COBL: variants seen among roughly 807,000 people sequenced by gnomAD.
The protein encoded by COBL is cordon-bleu WH2 repeat protein.
COBL carries 51 observed loss-of-function variants against 98.8 expected under a neutral mutation model. The observed-to-expected ratio is 0.52, with a 90% CI of 0.41 to 0.65. COBL has a LOEUF of 0.65. Ranked by LOEUF, COBL falls within the 30% of genes least tolerant of loss-of-function variation. COBL has a pLI of 0.00. For missense variants in COBL, 1,617 were observed against 1,617.5 expected (o/e 1.00, Z 0.01); for synonymous variants, 634 against 651.7 (o/e 0.97, Z 0.41).
intron 4 of COBL, among the ~76,000 whole-genome samples, chr7:51,188,806 C>G (rs557688936): frequency 6.2e-4 from 95 of 152,294 alleles, no homozygotes; most frequent in African/African-American, 2.2e-3. Flanking sequence ...TCCCAATGAC[C>G]ATGGGCTATC....
At chr7:51,144,123 G>C (rs549774892) in intron 5 of COBL, among the ~76,000 whole-genome samples, 1 of 152,320 alleles carries the variant, frequency 6.6e-6, no homozygotes, top group Non-Finnish European at 1.5e-5. Context: ...CACCTGGGCG[G>C]CATGTGAGCT....
chr7:51,039,258 T>C (rs1212078953), intron 8 of COBL, among the ~76,000 whole-genome samples: 3 of 152,268 alleles, frequency 2.0e-5, no homozygotes, highest in African/African-American at 7.2e-5. Flanking sequence ...GATGCTGCTG[T>C]TTAGTGTTCT....
intron 7 of COBL, among the ~76,000 whole-genome samples, chr7:51,044,099 T>C (rs1789465551): frequency 6.6e-6 from 1 of 152,238 alleles, no homozygotes. Context: ...TTTGGAAATA[T>C]AAATAAGCAG....
chr7:51,188,732 C>T (rs1306012298), intron 4 of COBL, among the ~76,000 whole-genome samples: 1 of 152,142 alleles, frequency 6.6e-6, no homozygotes, highest in Non-Finnish European at 1.5e-5. Flanking sequence ...TCTGCTCTGT[C>T]CCATATGAGG....
chr7:51,055,249 C>T (rs1037711938), intron 7 of COBL, among the ~76,000 whole-genome samples: 4 of 152,172 alleles, frequency 2.6e-5, no homozygotes, highest in Non-Finnish European at 5.9e-5. Flanking sequence ...GCAAAGCCCA[C>T]GCTACTGCCA....
chr7:51,079,288 T>C (rs1025540677), intron 7 of COBL, among the ~76,000 whole-genome samples: 2 of 152,192 alleles, frequency 1.3e-5, no homozygotes, highest in Admixed American at 6.5e-5. Flanking sequence ...CTGTTGACTC[T>C]TGAGGGATGT....
rs150357102 is a variant in COBL at position 51,121,337 on chromosome 7, T to TA, written c.957+14820dup. On this transcript the variant is annotated intron_variant, in intron 6 of 12. Coordinates refer to ENST00000265136, the MANE Select transcript of COBL (RefSeq NM_015198.5). ...TATTTTCTTTGGAGAAATGTCTATT[T>TA]AAGCCCTTTGCTCATTTTTTAATTG... 5.3e-5 allele frequency among the ~76,000 whole-genome samples: 8 copies of TA among 152,344 alleles called. No individual in the cohort carries two copies. In the East Asian group the frequency reaches 1.5e-3, roughly 29 times the overall value.
At chr7:51,180,269 C>T (rs6946569) in intron 5 of COBL, among the ~76,000 whole-genome samples, 160 of 152,260 alleles carry the variant, frequency 1.1e-3, no homozygotes, top group African/African-American at 3.6e-3. Flanking sequence ...ATGGCTGGCC[C>T]GGTTCCTTGT....
At chr7:51,191,806 G>A (rs1238349653) in intron 3 of COBL, among the ~76,000 whole-genome samples, 2 of 151,968 alleles carry the variant, frequency 1.3e-5, no homozygotes, top group African/African-American at 2.4e-5. Context: ...TTTTTCTTCC[G>A]CTTTTACTGA....
At chr7:51,093,235 C>T (rs1010454755) in intron 6 of COBL, among the ~76,000 whole-genome samples, 1 of 150,562 alleles carries the variant, frequency 6.6e-6, no homozygotes, top group Non-Finnish European at 1.5e-5. Flanking sequence ...AGACATTTTG[C>T]AAAAAAAAGA....
intron 1 of COBL, among the ~76,000 whole-genome samples, chr7:51,235,602 C>T (rs1441023734): frequency 1.3e-5 from 2 of 152,174 alleles, no homozygotes; most frequent in African/African-American, 4.8e-5. Flanking sequence ...CGGAAACAGC[C>T]GCGGACATCC....
At chr7:51,040,676 T>C (rs953896617) in intron 8 of COBL, among the ~76,000 whole-genome samples, 23 of 152,146 alleles carry the variant, frequency 1.5e-4, no homozygotes, top group South Asian at 4.1e-4. Context: ...TAAGATTCCA[T>C]TGTAGGTCTA....
intron 8 of COBL, among the ~76,000 whole-genome samples, chr7:51,042,535 T>C (rs1789301717): frequency 6.6e-6 from 1 of 151,950 alleles, no homozygotes; most frequent in African/African-American, 2.4e-5. Context: ...AATTTTTAAA[T>C]TTTTTTTGTA....
At chr7:51,080,133 A>T (rs1027615257) in intron 7 of COBL, among the ~76,000 whole-genome samples, 1 of 152,210 alleles carries the variant, frequency 6.6e-6, no homozygotes, top group Admixed American at 6.5e-5. Context: ...AAGACCTTAC[A>T]GAGGTCAGGG....
chr7:51,227,474 T>A (rs191248239), intron 1 of COBL, among the ~76,000 whole-genome samples: 3 of 152,272 alleles, frequency 2.0e-5, no homozygotes, highest in East Asian at 3.9e-4. Context: ...GAGTATCTGA[T>A]GAAGGCCATG....
chr7:51,074,109 AAC>A (rs1792824489), intron 7 of COBL, among the ~76,000 whole-genome samples: 1 of 152,242 alleles, frequency 6.6e-6, no homozygotes, highest in African/African-American at 2.4e-5. Flanking sequence ...TCCTGAGACA[AAC>A]AGTTTAGAAG....
intron 6 of COBL, among the ~76,000 whole-genome samples, chr7:51,131,101 C>T (rs1798694286): frequency 2.0e-5 from 3 of 152,148 alleles, no homozygotes; most frequent in Admixed American, 2.0e-4. Context: ...AATGGCCAAC[C>T]ATCACTAGCA....
chr7:51,224,907 C>CTGCATGTGGGTGACCTG (rs1263232545), intron 1 of COBL, among the ~76,000 whole-genome samples: 1 of 152,166 alleles, frequency 6.6e-6, no homozygotes. Flanking sequence ...GGTGATCCGC[C>CTGCATGTGGGTGACCTG]TGCATGTGGG....
chr7:51,240,845 C>T (rs904813005), intron 1 of COBL, among the ~76,000 whole-genome samples: 38 of 152,170 alleles, frequency 2.5e-4, no homozygotes, highest in Non-Finnish European at 4.4e-4. Context: ...GCCCAGCCTA[C>T]TATTATTTTA....
Sources: allele counts gnomAD v4.1 joint callset (sites outside exome capture counted in the v4.1 genomes callset), GRCh38; gene constraint gnomAD v4.1.1; transcripts MANE v1.5; gene names NCBI Gene and HGNC (gene_info 2026-07-23, HGNC 2026-07-21).